BRI3BP: variants seen among roughly 807,000 people sequenced by gnomAD.
The protein encoded by BRI3BP is BRI3 binding protein, also known as BRI3-binding protein.
In BRI3BP, 7 loss-of-function variants were observed where a neutral mutation model predicts 15.8. The ratio of observed to expected loss-of-function variants is 0.44; its 90% CI spans 0.25 to 0.83. The LOEUF (loss-of-function observed/expected upper bound fraction) is 0.83, where lower values mean the gene tolerates loss of function less well. Among genes scored for constraint, BRI3BP ranks in the 40% least tolerant of loss-of-function variants. BRI3BP has a pLI of 0.20. For missense variants in BRI3BP, 320 were observed against 339.3 expected, an observed-to-expected ratio of 0.94 and a Z score of 0.45; for synonymous variants, 192 against 163.5, an observed-to-expected ratio of 1.17 and a Z score of -1.33.
At chr12:124,997,155 A>G (rs560498986) in intron 1 of BRI3BP, among the ~76,000 whole-genome samples, 1 of 133,880 alleles carries the variant, frequency 7.5e-6, no homozygotes, top group South Asian at 2.5e-4. Context: ...GCTGTTTCTC[A>G]CTCGCTCTGT....
At chr12:125,013,187 CA>C (rs2135994103) in intron 2 of BRI3BP, among the ~76,000 whole-genome samples, 1 of 152,260 alleles carries the variant, frequency 6.6e-6, no homozygotes, top group South Asian at 2.1e-4. Flanking sequence ...AATTTGTGTG[CA>C]AAACACATGG....
intron 2 of BRI3BP, among the ~76,000 whole-genome samples, chr12:125,020,843 G>T (rs1955292744): frequency 6.6e-6 from 1 of 152,090 alleles, no homozygotes; most frequent in East Asian, 1.9e-4. Flanking sequence ...TCATGCTACT[G>T]AAGTCTAGCC....
chr12:125,044,142 T>G, the BRI3BP span, among the ~76,000 whole-genome samples: 3 of 151,538 alleles, frequency 2.0e-5, no homozygotes, highest in Admixed American at 6.6e-5. Context: ...TTTTTGTTTT[T>G]GTTTTGGTTG....
At chr12:125,018,501 A>G (rs1349024198) in intron 2 of BRI3BP, among the ~76,000 whole-genome samples, 2 of 151,988 alleles carry the variant, frequency 1.3e-5, no homozygotes, top group African/African-American at 2.4e-5. Context: ...AAGGCAGAGT[A>G]AGAGAGAGGA....
At position 125,019,645 on chromosome 12, in the gene BRI3BP, TTTTTTTTTTTTTGCC is replaced by T. The variant is rs1407467443; in HGVS notation, c.317-5339_317-5325del. 8.2e-4 allele frequency among the ~76,000 whole-genome samples: 23 copies of T among 27,926 alleles called. 2 individuals are homozygous for T. In the East Asian group the frequency reaches 0.045, roughly 54 times the overall value. 18.3% of individuals were successfully genotyped at this position (27,926 alleles called of 152,430 possible). On this transcript the variant is annotated intron_variant, in intron 2 of 2. Transcript: ENST00000341446. ...AACATTAATTCCACCCTTTTTTTTT[TTTTTTTTTTTTTGCC>T]TTTTTTGCTGTGAGTACTTGAAAAT...
the BRI3BP span, among the ~76,000 whole-genome samples, chr12:125,044,398 C>T: frequency 9.2e-5 from 14 of 151,426 alleles, no homozygotes; most frequent in Non-Finnish European, 1.9e-4. Context: ...ATCGGCCTGC[C>T]TCAGCCTCCC....
chr12:125,042,791 C>T, the BRI3BP span, among the ~76,000 whole-genome samples: 6 of 152,088 alleles, frequency 3.9e-5, no homozygotes, highest in African/African-American at 1.4e-4. Flanking sequence ...CCCCTCTTGG[C>T]CTCCCAAAGT....
intron 1 of BRI3BP, among the ~76,000 whole-genome samples, chr12:125,009,473 A>C (rs775817502): frequency 1.3e-5 from 2 of 151,712 alleles, no homozygotes; most frequent in Non-Finnish European, 2.9e-5. Flanking sequence ...TGTTTTCAGT[A>C]GAGACAAGGT....
chr12:125,038,097 A>G, the BRI3BP span, among the ~76,000 whole-genome samples: 1 of 151,782 alleles, frequency 6.6e-6, no homozygotes. Context: ...GTTCAAGACC[A>G]GTCTGGGCAA....
intron 2 of BRI3BP, among the ~76,000 whole-genome samples, chr12:125,019,873 T>A (rs1211641500): frequency 6.6e-6 from 1 of 151,902 alleles, no homozygotes; most frequent in Non-Finnish European, 1.5e-5. Flanking sequence ...GTGAAAAATA[T>A]TTTGTGTTAA....
At chr12:125,017,022 A>AT (rs1175112507) in intron 2 of BRI3BP, among the ~76,000 whole-genome samples, 11 of 146,124 alleles carry the variant, frequency 7.5e-5, no homozygotes, top group Admixed American at 1.4e-4. Flanking sequence ...TATTATTATT[A>AT]TTTTTTTTTT....
intron 2 of BRI3BP, among the ~76,000 whole-genome samples, chr12:125,014,247 T>G (rs2135994657): frequency 6.6e-6 from 1 of 152,252 alleles, no homozygotes; most frequent in African/African-American, 2.4e-5. Context: ...CCTGGGCCTT[T>G]CCAGAGGAAA....
chr12:125,045,177 A>T, the BRI3BP span, among the ~76,000 whole-genome samples: 1 of 151,940 alleles, frequency 6.6e-6, no homozygotes, highest in Non-Finnish European at 1.5e-5. Flanking sequence ...AGAACTAGCT[A>T]AAAAAAACCA....
chr12:125,008,963 T>A (rs1955172553), intron 1 of BRI3BP, among the ~76,000 whole-genome samples: 2 of 150,928 alleles, frequency 1.3e-5, no homozygotes. Flanking sequence ...ACAATAGGGT[T>A]CACACTCCTA....
Position 124,993,683 on chromosome 12 carries a change from C to T in BRI3BP, c.-108C>T, listed in dbSNP as rs898244473. 1.2e-5 allele frequency: 7 copies of T among 595,136 alleles called. No individual in the cohort carries two copies. The highest frequency in any genetic ancestry group is 1.0e-4 in the African/African-American group (5 of 48,774). 36.9% of individuals were successfully genotyped at this position (595,136 alleles called of 1,614,324 possible). On this transcript the variant is annotated 5_prime_UTR_variant, in exon 1 of 3. Coordinates refer to ENST00000341446, the MANE Select transcript of BRI3BP (RefSeq NM_080626.6). ...CGGCGGCGGCGGCTGTGGGTAAAGG[C>T]GCGGCGCGCGGCCCCCGAGCGCGCC...
At chr12:125,005,621 A>G (rs2135990003) in intron 1 of BRI3BP, among the ~76,000 whole-genome samples, 1 of 152,172 alleles carries the variant, frequency 6.6e-6, no homozygotes, top group South Asian at 2.1e-4. Context: ...AATACAAAAA[A>G]TTAGCCAGAC....
rs865812963 is a variant in BRI3BP at position 125,029,618 on chromosome 12, C to T, written c.*4188C>T. The T allele has an allele frequency of 6.6e-6, 1 of 151,604 alleles. No homozygotes were observed. Among genetic ancestry groups the T allele is most frequent in the South Asian group, 2.1e-4 (1 of 4,808 alleles). 9.4% of individuals were successfully genotyped at this position (151,604 alleles called of 1,614,324 possible). On this transcript the variant is annotated 3_prime_UTR_variant, in exon 3 of 3. Coordinates refer to ENST00000341446, the MANE Select transcript of BRI3BP (RefSeq NM_080626.6). ...CTTTCCAATACCAGTCGGCATTACC[C>T]GCCCTTTGGTTTCTTTTGCTTTGGA...
In BRI3BP at chr12:125,029,792, C is replaced by G. The variant is rs746739187; in HGVS notation, c.*4362C>G. 6.6e-6 allele frequency: 1 copy of G among 152,210 alleles called. No individual in the cohort carries two copies. The highest frequency in any genetic ancestry group is 1.5e-5 in the Non-Finnish European group (1 of 68,064). 9.4% of individuals were successfully genotyped at this position (152,210 alleles called of 1,614,324 possible). On this transcript the variant is annotated 3_prime_UTR_variant, in exon 3 of 3. Transcript: ENST00000341446. ...CATACACTTACCCCAGAAATGAGAGCCTGTCTCATGCAGGAGTCGGGAGGC... is the reference window on the plus strand; with the variant it reads ...CATACACTTACCCCAGAAATGAGAGGCTGTCTCATGCAGGAGTCGGGAGGC...
chr12:125,004,886 C>T (rs984778765), intron 1 of BRI3BP, among the ~76,000 whole-genome samples: 63 of 152,240 alleles, frequency 4.1e-4, no homozygotes, highest in African/African-American at 1.5e-3. Context: ...CCCTGTGTCA[C>T]GCAGGCTGGA....
Sources: allele counts gnomAD v4.1 joint callset (sites outside exome capture counted in the v4.1 genomes callset), GRCh38; gene constraint gnomAD v4.1.1; transcripts MANE v1.5; gene names NCBI Gene and HGNC (gene_info 2026-07-23, HGNC 2026-07-21).